ADAM10: variants seen among roughly 807,000 people sequenced by gnomAD.
ADAM10 encodes the protein disintegrin and metalloproteinase domain-containing protein 10.
Under a neutral mutation model 90.1 loss-of-function variants are expected in ADAM10, and 17 were observed. The observed-to-expected ratio is 0.19, with a 90% CI of 0.13 to 0.28. The LOEUF (loss-of-function observed/expected upper bound fraction) is 0.28, where lower values mean the gene tolerates loss of function less well. Among genes scored for constraint, ADAM10 ranks in the 10% least tolerant of loss-of-function variants. The pLI, the probability that ADAM10 is intolerant of heterozygous loss-of-function variation, is 1.00. For synonymous variants in ADAM10, 310 were observed against 298.6 expected, an observed-to-expected ratio of 1.04 and a Z score of -0.40; for missense variants, 610 against 914.3, an observed-to-expected ratio of 0.67 and a Z score of 4.29.
chr15:58,686,241 G>A (rs878928826), intron 2 of ADAM10, among the ~76,000 whole-genome samples: 2 of 152,172 alleles, frequency 1.3e-5, no homozygotes, highest in South Asian at 2.1e-4. Context: ...GGGATACATC[G>A]AAGTTGTGAT....
At chr15:58,611,266 A>C (rs1484876464) in intron 12 of ADAM10, 159 bp from the exon 13 acceptor site, 3 of 626,468 alleles carry the variant, frequency 4.8e-6, no homozygotes, top group Admixed American at 6.0e-5. Context: ...GAATTACATA[A>C]ATACATTTGA....
intron 5 of ADAM10, among the ~76,000 whole-genome samples, chr15:58,652,267 A>G (rs190041384): frequency 9.3e-4 from 141 of 152,044 alleles, no homozygotes; most frequent in Admixed American, 3.8e-3. Flanking sequence ...CCATTTGTCC[A>G]TTTTTGCTTT....
chr15:58,625,108 T>C (rs1327014997), intron 10 of ADAM10, among the ~76,000 whole-genome samples: 1 of 152,120 alleles, frequency 6.6e-6, no homozygotes, highest in African/African-American at 2.4e-5. Context: ...CAATCTGCCC[T>C]TTTAAAAGAA....
At chr15:58,681,786 C>T (rs114748940) in intron 3 of ADAM10, among the ~76,000 whole-genome samples, 208 of 152,252 alleles carry the variant, frequency 1.4e-3, no homozygotes, top group African/African-American at 4.6e-3. Context: ...GAGGATTTTC[C>T]TACAGATGAC....
rs1485369277 is a variant in ADAM10 at position 58,595,972 on chromosome 15, G to A, written c.*1575C>T. 6.6e-6 allele frequency: 1 copy of A among 151,594 alleles called. No homozygotes were observed. The highest frequency in any genetic ancestry group is 1.9e-4 in the East Asian group (1 of 5,180). The allele number at this position is 151,594 out of a possible 1,614,324, so 9.4% of individuals were successfully genotyped here. On this transcript the variant is annotated 3_prime_UTR_variant, in exon 16 of 16. Transcript: ENST00000260408. The stretch of plus-strand genomic sequence containing the variant: ...GTACAAAAAGCTGTATTTTGAAAAA[G>A]TCACCACATACTGTACAAGTTTACA...
intron 1 of ADAM10, among the ~76,000 whole-genome samples, chr15:58,742,117 T>C (rs1407805316): frequency 6.6e-6 from 1 of 152,208 alleles, no homozygotes; most frequent in Non-Finnish European, 1.5e-5. Flanking sequence ...ATTTTTTACT[T>C]TTCTTCTCAC....
Position 58,595,630 on chromosome 15 carries a change from T to C in ADAM10, c.*1917A>G, listed in dbSNP as rs1407077678. On this transcript the variant is annotated 3_prime_UTR_variant, in exon 16 of 16. Coordinates refer to ENST00000260408, the MANE Select transcript of ADAM10 (RefSeq NM_001110.4). The stretch of plus-strand genomic sequence containing the variant: ...AAAGAGTTCAGTGCATGTATCTCTT[T>C]TCAGAAAACATTTAACTTAGACTCA... The C allele has an allele frequency of 2.0e-5, 3 of 152,148 alleles. No homozygotes were observed. The highest frequency in any genetic ancestry group is 7.2e-5 in the African/African-American group (3 of 41,446). 9.4% of individuals were successfully genotyped at this position (152,148 alleles called of 1,614,324 possible).
At chr15:58,676,051 T>TA (rs1476066847) in intron 4 of ADAM10, 3 of 221,010 alleles carry the variant, frequency 1.4e-5, no homozygotes. Flanking sequence ...CTTTGCCATT[T>TA]AGTTATAAAA....
chr15:58,633,455 T>A (rs1259484188), intron 8 of ADAM10, 96 bp from the exon 9 acceptor site: 20 of 1,107,382 alleles, frequency 1.8e-5, no homozygotes, highest in Non-Finnish European at 2.5e-5. Flanking sequence ...ATTTTATATT[T>A]TAATCTAAAA....
intron 1 of ADAM10, among the ~76,000 whole-genome samples, chr15:58,727,239 G>T (rs575377875): frequency 7.7e-6 from 1 of 130,700 alleles, no homozygotes; most frequent in Non-Finnish European, 1.5e-5. Context: ...TGCCCAGGCC[G>T]TAGCGCAACG....
chr15:58,630,934 C>CCT (rs766746654), intron 9 of ADAM10, among the ~76,000 whole-genome samples: 42 of 152,192 alleles, frequency 2.8e-4, no homozygotes, highest in Non-Finnish European at 5.7e-4. Context: ...GGGGCAGATC[C>CCT]CTCATCAATA....
chr15:58,589,182 A>C lies in ADAM10; in HGVS notation c.*8365T>G, dbSNP rs1290563262. 1 of 152,220 alleles carries C rather than the reference A, an allele frequency of 6.6e-6. No homozygotes were observed. The highest frequency in any genetic ancestry group is 1.5e-5 in the Non-Finnish European group (1 of 68,038). 9.4% of individuals were successfully genotyped at this position (152,220 alleles called of 1,614,324 possible). A position where few individuals can be genotyped will look rare whatever the true frequency, so the allele number is the denominator to read the frequency against. On this transcript the variant is annotated 3_prime_UTR_variant, in exon 16 of 16. Coordinates refer to ENST00000260408, the MANE Select transcript of ADAM10 (RefSeq NM_001110.4). ...TTGAACACCTACTATAGCCAAGCTCAAGGAAATGGAGATTAATAAAGCCCA... is the reference window on the plus strand; with the variant it reads ...TTGAACACCTACTATAGCCAAGCTCCAGGAAATGGAGATTAATAAAGCCCA...
At chr15:58,599,072 C>G (rs1053837371) in intron 15 of ADAM10, among the ~76,000 whole-genome samples, 2 of 151,488 alleles carry the variant, frequency 1.3e-5, no homozygotes, top group Non-Finnish European at 2.9e-5. Flanking sequence ...GCCTATAGTC[C>G]CAGCTACTTA....
At chr15:58,599,893 T>C (rs1461221571) in intron 14 of ADAM10, among the ~76,000 whole-genome samples, 169 bp from the exon 15 acceptor site, 1 of 152,086 alleles carries the variant, frequency 6.6e-6, no homozygotes, top group African/African-American at 2.4e-5. Context: ...ATATATTATT[T>C]AAATATAAAA....
intron 2 of ADAM10, among the ~76,000 whole-genome samples, chr15:58,689,706 T>A (rs528579787): frequency 6.6e-6 from 1 of 152,046 alleles, no homozygotes; most frequent in Admixed American, 6.6e-5. Context: ...TTCAATTACT[T>A]AGATAAAATA....
intron 7 of ADAM10, 66 bp downstream of exon 7, chr15:58,643,819 GT>G: frequency 8.5e-7 from 1 of 1,171,250 alleles, no homozygotes; most frequent in Non-Finnish European, 1.3e-6. Context: ...AAGCTTTTGT[GT>G]GTGTGTGTAA....
intron 11 of ADAM10, among the ~76,000 whole-genome samples, chr15:58,619,192 A>T (rs1418771673): frequency 4.6e-5 from 7 of 152,222 alleles, no homozygotes; most frequent in Non-Finnish European, 4.4e-5. Flanking sequence ...ACATGAACGG[A>T]AATAGAAGTC....
intron 8 of ADAM10, among the ~76,000 whole-genome samples, chr15:58,638,653 G>A (rs1896335234): frequency 6.8e-6 from 1 of 147,758 alleles, no homozygotes; most frequent in Non-Finnish European, 1.5e-5. Flanking sequence ...CAAGTAACAT[G>A]CCCCACCATT....
Position 58,592,082 on chromosome 15 carries a change from C to T in ADAM10, c.*5465G>A, listed in dbSNP as rs542128685. ...TTGTATATTATTTGTCCCTCTGTCC[C>T]CTGTATTTCTAATGAAGGGGTAGTT... On this transcript the variant is annotated 3_prime_UTR_variant, in exon 16 of 16. Coordinates refer to ENST00000260408, the MANE Select transcript of ADAM10 (RefSeq NM_001110.4). 4 of 152,240 alleles carry T rather than the reference C, an allele frequency of 2.6e-5. No homozygotes were observed. The highest frequency in any genetic ancestry group is 9.6e-5 in the African/African-American group (4 of 41,538). The allele number at this position is 152,240 out of a possible 1,614,324, so 9.4% of individuals were successfully genotyped here.
Sources: allele counts gnomAD v4.1 joint callset (sites outside exome capture counted in the v4.1 genomes callset), GRCh38; gene constraint gnomAD v4.1.1; transcripts MANE v1.5; gene names NCBI Gene and HGNC (gene_info 2026-07-23, HGNC 2026-07-21).